The following PLCB4 variants were observed in gnomAD, a reference collection of about 807,000 sequenced individuals.
PLCB4 encodes the protein phospholipase C beta 4.
Under a neutral mutation model 178.8 loss-of-function variants are expected in PLCB4, and 77 were observed. The ratio of observed to expected loss-of-function variants is 0.43; its 90% confidence interval spans 0.36 to 0.52. PLCB4 has a LOEUF of 0.52. Among genes scored for constraint, PLCB4 ranks in the 20% least tolerant of loss-of-function variants. The pLI, the probability that PLCB4 is intolerant of heterozygous loss-of-function variation, is 0.00. For synonymous variants in PLCB4, 496 were observed against 490.8 expected, an observed-to-expected ratio of 1.01 and a Z score of -0.14; for missense variants, 1,024 against 1,453.4, an observed-to-expected ratio of 0.70 and a Z score of 4.80.
intron 9 of PLCB4, among the ~76,000 whole-genome samples, chr20:9,369,887 T>C (rs1003079548): frequency 1.3e-5 from 2 of 152,192 alleles, no homozygotes; most frequent in Admixed American, 1.3e-4. Context: ...AGGGGAGGCA[T>C]TCCAAAGCCA....
At chr20:9,475,527 T>C (rs1328911735) in intron 38 of PLCB4, among the ~76,000 whole-genome samples, 1 of 152,152 alleles carries the variant, frequency 6.6e-6, no homozygotes, top group Non-Finnish European at 1.5e-5. Flanking sequence ...CACAAAAGCT[T>C]GGGAAAGCAT....
intron 35 of PLCB4, among the ~76,000 whole-genome samples, chr20:9,460,885 T>C (rs950037308): frequency 6.6e-5 from 10 of 152,214 alleles, no homozygotes; most frequent in Admixed American, 1.3e-4. Context: ...AAATGCAGTC[T>C]CCCATGCTCC....
intron 3 of PLCB4, among the ~76,000 whole-genome samples, chr20:9,256,457 C>T (rs532894430): frequency 2.0e-5 from 3 of 152,332 alleles, no homozygotes; most frequent in African/African-American, 7.2e-5. Context: ...CTGCAAATCT[C>T]GACATTCCTC....
chr20:9,126,186 G>A (rs1336593138), intron 2 of PLCB4, among the ~76,000 whole-genome samples: 4 of 151,986 alleles, frequency 2.6e-5, no homozygotes, highest in East Asian at 1.9e-4. Flanking sequence ...TTCTATAAAC[G>A]AATTAAGTTT....
At chr20:9,348,463 G>T (rs1242454157) in intron 7 of PLCB4, among the ~76,000 whole-genome samples, 1 of 152,162 alleles carries the variant, frequency 6.6e-6, no homozygotes, top group East Asian at 1.9e-4. Context: ...CAATGAATTT[G>T]TTTAAATTTT....
chr20:9,169,610 A>AATAG (rs1429622590), intron 2 of PLCB4, among the ~76,000 whole-genome samples: 50 of 151,518 alleles, frequency 3.3e-4, no homozygotes, highest in African/African-American at 1.1e-3. Context: ...TAAATAAATA[A>AATAG]ATAAATAAAT....
chr20:9,088,909 G>A (rs1321749593), intron 1 of PLCB4, among the ~76,000 whole-genome samples: 1 of 151,840 alleles, frequency 6.6e-6, no homozygotes, highest in Non-Finnish European at 1.5e-5. Context: ...TATATATGCA[G>A]ACATATAAAT....
At chr20:9,070,698 C>G (rs190232727) in intron 1 of PLCB4, among the ~76,000 whole-genome samples, 2 of 152,108 alleles carry the variant, frequency 1.3e-5, no homozygotes, top group Non-Finnish European at 2.9e-5. Flanking sequence ...CTTTTATGAA[C>G]GTAAGACTTG....
chr20:9,473,282 G>A lies in PLCB4; in HGVS notation c.3412G>A (p.Ala1138Thr). 7.5e-7 allele frequency: 1 copy of A among 1,328,942 alleles called. No homozygotes were observed. 82.3% of individuals were successfully genotyped at this position (1,328,942 alleles called of 1,614,324 possible). Residue 1138 changes from alanine to threonine, a missense_variant, in exon 38 of 40, where the codon GCC becomes ACC. Coordinates refer to ENST00000378473, the MANE Select transcript of PLCB4 (RefSeq NM_001377142.1). The part of the protein sequence containing the change: ...KKFLEERKRL[A>T]MKQSKEMDQL... ...TTTTTTTTTTTTTTTTTTGCAGCTT[G>A]CCATGAAGCAGTCCAAAGAAATGGA...
In PLCB4 at chr20:9,337,023, A is replaced by G. The variant is rs551725804; in HGVS notation, c.85-103A>G. The G allele has an allele frequency of 2.3e-5, 18 of 770,780 alleles. No homozygotes were observed. The East Asian group carries it at 4.0e-4, about 17-fold the overall frequency. 47.7% of individuals were successfully genotyped at this position (770,780 alleles called of 1,614,324 possible). A position where few individuals can be genotyped will look rare whatever the true frequency, so the allele number is the denominator to read the frequency against. On this transcript the variant is annotated intron_variant, in intron 4 of 39. Coordinates refer to ENST00000378473, the MANE Select transcript of PLCB4 (RefSeq NM_001377142.1). Reference sequence around the variant, plus strand: ...AATAAGAATTGTGGATATTACATACAAAAGAGTGATTTCTAATTTGTTTAG... The same window carrying G: ...AATAAGAATTGTGGATATTACATACGAAAGAGTGATTTCTAATTTGTTTAG...
In PLCB4 at chr20:9,101,846, C is replaced by CTTTTT. The variant is rs112396041; in HGVS notation, c.-79+5516_-79+5520dup. ...ACAATTTGCCAGTTTTGTAAATCAG[C>CTTTTT]TTTTTTTTTTTTTTTTGAGATGGAG... On this transcript the variant is annotated intron_variant, in intron 2 of 39. Transcript: ENST00000378473. 6.8e-4 allele frequency among the ~76,000 whole-genome samples: 93 copies of CTTTTT among 135,848 alleles called. No homozygotes were observed. The East Asian group carries it at 0.015, about 22-fold the overall frequency. 89.1% of individuals were successfully genotyped at this position (135,848 alleles called of 152,430 possible).
At chr20:9,452,040 C>T (rs973633674) in intron 32 of PLCB4, among the ~76,000 whole-genome samples, 1 of 152,296 alleles carries the variant, frequency 6.6e-6, no homozygotes, top group South Asian at 2.1e-4. Context: ...AGCCTTTGTT[C>T]CCACTGTAAG....
At chr20:9,413,811 A>G (rs957036665) in intron 25 of PLCB4, among the ~76,000 whole-genome samples, 2 of 152,164 alleles carry the variant, frequency 1.3e-5, no homozygotes, top group African/African-American at 4.8e-5. Flanking sequence ...CCCAGGCTCA[A>G]GTGCAGTGGT....
intron 4 of PLCB4, among the ~76,000 whole-genome samples, chr20:9,327,453 G>A (rs535630726): frequency 2.0e-4 from 31 of 151,724 alleles, no homozygotes; most frequent in Admixed American, 3.9e-4. Context: ...ACTCCAGCCC[G>A]GATGACAGCA....
chr20:9,239,912 C>G (rs1307964313), intron 3 of PLCB4, among the ~76,000 whole-genome samples: 1 of 152,186 alleles, frequency 6.6e-6, no homozygotes, highest in Non-Finnish European at 1.5e-5. Flanking sequence ...GCATCTAGCA[C>G]AGGAGAAAGA....
intron 17 of PLCB4, among the ~76,000 whole-genome samples, chr20:9,393,181 T>C (rs1340347134): frequency 1.3e-5 from 2 of 152,144 alleles, no homozygotes; most frequent in Non-Finnish European, 2.9e-5. Flanking sequence ...AGCCTGACAC[T>C]TGGGGGGATC....
At chr20:9,387,410 T>C in intron 14 of PLCB4, 53 bp from the exon 15 acceptor site, 1 of 872,354 alleles carries the variant, frequency 1.1e-6, no homozygotes, top group South Asian at 1.6e-5. Flanking sequence ...TTAATTTGTA[T>C]GAACACTATT....
intron 7 of PLCB4, among the ~76,000 whole-genome samples, chr20:9,350,209 T>C (rs1265014229): frequency 6.6e-6 from 1 of 152,094 alleles, no homozygotes; most frequent in Admixed American, 6.5e-5. Flanking sequence ...CCCTGAAGCC[T>C]AAAATATTTA....
intron 2 of PLCB4, among the ~76,000 whole-genome samples, chr20:9,167,676 T>C (rs942204477): frequency 1.3e-5 from 2 of 152,250 alleles, no homozygotes; most frequent in African/African-American, 2.4e-5. Context: ...AAACCCATTT[T>C]TTCATATAAT....
Sources: gnomAD v4.1 joint callset for allele counts (sites outside exome capture counted in the v4.1 genomes callset) on GRCh38, gnomAD v4.1.1 for gene constraint, MANE v1.5 for transcripts, NCBI Gene and HGNC (gene_info 2026-07-23, HGNC 2026-07-21) for gene names.